The following GRAMD4 variants were observed in gnomAD, a reference collection of about 807,000 sequenced individuals.
GRAMD4 encodes the protein GRAM domain-containing protein 4.
A neutral mutation model predicts 83.9 loss-of-function variants in GRAMD4; 25 were observed. The ratio of observed to expected loss-of-function variants is 0.30; its 90% CI spans 0.22 to 0.42. The LOEUF (loss-of-function observed/expected upper bound fraction) is 0.42, where lower values mean the gene tolerates loss of function less well. GRAMD4 is among the 10% of genes least tolerant of loss of function. The pLI is 1.00. For synonymous variants in GRAMD4, 336 were observed against 320.9 expected, an observed-to-expected ratio of 1.05 and a Z score of -0.50; for missense variants, 593 against 788.7, an observed-to-expected ratio of 0.75 and a Z score of 2.97.
At chr22:46,629,513 G>A (rs1051911507) in intron 2 of GRAMD4, among the ~76,000 whole-genome samples, 6 of 152,178 alleles carry the variant, frequency 3.9e-5, no homozygotes, top group African/African-American at 7.2e-5. Context: ...GGGGTGGGGG[G>A]CTGTGCAGCG....
chr22:46,643,189 ATCCATCCATCCATCTATCCATCCATT>A (rs2147251666), intron 3 of GRAMD4, among the ~76,000 whole-genome samples: 1 of 121,540 alleles, frequency 8.2e-6, no homozygotes, highest in East Asian at 2.4e-4. Context: ...CCATCCATCC[ATCCATCCATCCATCTATCCATCCATT>A]TATCCATCCC....
At position 46,622,784 on chromosome 22, in the gene GRAMD4, T is replaced by G. The variant is rs936949228; in HGVS notation, c.-50+2219T>G. ...AAAAATTAGCTGGTGTGGTGGCGGG[T>G]GCCTGTAGTCCCAGCTACTCGGGAG... On this transcript the variant is annotated intron_variant, in intron 1 of 18. Coordinates refer to ENST00000406902, the MANE Select transcript of GRAMD4 (RefSeq NM_015124.5). The surrounding 1 kb of genome is among the most constrained non-coding windows in gnomAD (Gnocchi z 4.0). Among the ~76,000 whole-genome samples, 1 of 151,650 alleles carries G rather than the reference T, an allele frequency of 6.6e-6. No homozygotes were observed. Among genetic ancestry groups the G allele is most frequent in the South Asian group, 2.1e-4 (1 of 4,814 alleles).
intron 2 of GRAMD4, among the ~76,000 whole-genome samples, chr22:46,635,196 C>T (rs369965943): frequency 2.7e-3 from 282 of 104,446 alleles, no homozygotes; most frequent in East Asian, 7.2e-3. Context: ...CCTCCCTGCC[C>T]CCGCCCCCGG....
At chr22:46,597,894 T>C (rs2081277954) in intron 1 of GRAMD4, among the ~76,000 whole-genome samples, 1 of 152,192 alleles carries the variant, frequency 6.6e-6, no homozygotes, top group Non-Finnish European at 1.5e-5. Context: ...GTTTTGTTTT[T>C]ACCATTATCT....
intron 1 of GRAMD4, among the ~76,000 whole-genome samples, chr22:46,623,539 G>C (rs150923798): frequency 4.6e-5 from 7 of 150,564 alleles, no homozygotes; most frequent in Non-Finnish European, 8.9e-5. Flanking sequence ...TGGACTACAG[G>C]TGCCCGCCAC....
intron 1 of GRAMD4, among the ~76,000 whole-genome samples, chr22:46,609,715 G>A (rs1054393492): frequency 6.6e-6 from 1 of 152,238 alleles, no homozygotes; most frequent in East Asian, 1.9e-4. Context: ...AGTGCTTTGG[G>A]GATGTGGAAC....
chr22:46,584,922 G>A (rs769340466), intron 1 of GRAMD4, among the ~76,000 whole-genome samples: 2 of 152,242 alleles, frequency 1.3e-5, no homozygotes, highest in African/African-American at 4.8e-5. Flanking sequence ...TTAGAGCTCA[G>A]ACAAATCTCC....
intron 1 of GRAMD4, among the ~76,000 whole-genome samples, chr22:46,601,054 G>T (rs1166942830): frequency 1.3e-5 from 2 of 152,116 alleles, no homozygotes; most frequent in African/African-American, 2.4e-5. Flanking sequence ...TGGGGCAGGA[G>T]AATCACTTTA....
chr22:46,595,610 GC>G (rs1429760105), intron 1 of GRAMD4, among the ~76,000 whole-genome samples: 23 of 152,280 alleles, frequency 1.5e-4, no homozygotes, highest in African/African-American at 4.8e-4. Context: ...CCCATGGGAG[GC>G]CCCTCTTCCT....
intron 3 of GRAMD4, among the ~76,000 whole-genome samples, chr22:46,644,938 C>T (rs1284412316): frequency 1.0e-4 from 9 of 89,648 alleles, no homozygotes; most frequent in Admixed American, 7.3e-4. Flanking sequence ...TTTGTGGAGA[C>T]GGGGCTTCAC....
intron 17 of GRAMD4, 106 bp from the exon 18 acceptor site, chr22:46,676,494 C>T: frequency 1.0e-6 from 1 of 983,358 alleles, no homozygotes; most frequent in Non-Finnish European, 1.6e-6. Flanking sequence ...CCCGTGGGCC[C>T]TGCTGCCTGT....
At chr22:46,645,547 T>A (rs979733657) in intron 3 of GRAMD4, among the ~76,000 whole-genome samples, 6 of 152,150 alleles carry the variant, frequency 3.9e-5, no homozygotes, top group African/African-American at 1.4e-4. Context: ...AGCAGCTAAG[T>A]GGTCAGTGTT....
intron 16 of GRAMD4, 125 bp from the exon 17 acceptor site, chr22:46,675,343 G>C (rs78249350): frequency 0.029 from 20,967 of 726,670 alleles, 534 homozygotes; most frequent in African/African-American, 0.095. Flanking sequence ...TTCTGTGTCT[G>C]CTGGGAAGGG....
At chr22:46,614,982 C>T (rs562326708) in intron 1 of GRAMD4, among the ~76,000 whole-genome samples, 64 of 91,702 alleles carry the variant, frequency 7.0e-4, no homozygotes, top group Admixed American at 2.3e-3. Context: ...TTCCCTTGTG[C>T]ATGTAGGTTC....
intron 1 of GRAMD4, among the ~76,000 whole-genome samples, chr22:46,626,299 G>A (rs2081658042): frequency 1.3e-5 from 2 of 152,252 alleles, no homozygotes; most frequent in Admixed American, 6.5e-5. Flanking sequence ...TTGACGGTTT[G>A]TTAGGCAACC....
chr22:46,618,308 C>A (rs2147126917), upstream of GRAMD4, among the ~76,000 whole-genome samples: 1 of 152,216 alleles, frequency 6.6e-6, no homozygotes, highest in African/African-American at 2.4e-5. The surrounding 1 kb of genome is among the most constrained non-coding windows in gnomAD (Gnocchi z 5.8). Context: ...CCAAGCAGGA[C>A]TGGAGGCACA....
At chr22:46,661,298 C>A in intron 4 of GRAMD4, 83 bp from the exon 5 acceptor site, 1 of 1,010,604 alleles carries the variant, frequency 9.9e-7, no homozygotes, top group South Asian at 1.3e-5. Context: ...AGTACACGGT[C>A]GCGAGAGCCC....
upstream of GRAMD4, among the ~76,000 whole-genome samples, chr22:46,576,851 G>A (rs2081046143): frequency 6.8e-6 from 1 of 146,672 alleles, no homozygotes. Context: ...GGCCGTGGCC[G>A]GCGGCGGCCG....
intron 2 of GRAMD4, among the ~76,000 whole-genome samples, chr22:46,633,587 G>T (rs1045072904): frequency 6.6e-6 from 1 of 152,254 alleles, no homozygotes; most frequent in Non-Finnish European, 1.5e-5. Context: ...TTCTCCGTGG[G>T]TTGGCGTCCT....
Sources: allele counts gnomAD v4.1 joint callset (sites outside exome capture counted in the v4.1 genomes callset), GRCh38; gene constraint gnomAD v4.1.1; non-coding constraint Gnocchi (gnomAD v3.1); transcripts MANE v1.5; gene names NCBI Gene and HGNC (gene_info 2026-07-23, HGNC 2026-07-21).